Variants in RAD9A observed in about 807,000 individuals in gnomAD.
RAD9A encodes the protein cell cycle checkpoint control protein RAD9A.
A neutral mutation model predicts 41.2 loss-of-function variants in RAD9A; 25 were observed. That is an observed-to-expected ratio of 0.61 (90% confidence interval 0.44 to 0.85). RAD9A has a LOEUF of 0.85. Among genes scored for constraint, RAD9A ranks in the 40% least tolerant of loss-of-function variants. The pLI is 0.00. For missense variants in RAD9A, 514 were observed against 518.3 expected (o/e 0.99, Z 0.08); for synonymous variants, 252 against 210.6 (o/e 1.20, Z -1.70).
In RAD9A at chr11:67,395,900, C is replaced by T. The variant is rs751488695; in HGVS notation, c.560-12C>T. On this transcript the variant is annotated splice_polypyrimidine_tract_variant and intron_variant, in intron 6 of 10. Coordinates refer to ENST00000307980, the MANE Select transcript of RAD9A (RefSeq NM_004584.3). ...GGGCGGGGCCCAGGTTACTCCTGTT[C>T]TTCCCCAACAGACAGCACTGCCAAA... 2.5e-6 allele frequency: 4 copies of T among 1,613,936 alleles called. No individual in the cohort carries two copies. The highest frequency in any genetic ancestry group is 2.5e-6 in the Non-Finnish European group (3 of 1,179,922).
chr11:67,394,441 C>T (rs1009346533), intron 5 of RAD9A, among the ~76,000 whole-genome samples: 1 of 152,186 alleles, frequency 6.6e-6, no homozygotes, highest in Non-Finnish European at 1.5e-5. Flanking sequence ...TCTCCCCCTG[C>T]TCCATGCTGG....
chr11:67,393,279 CAA>C (rs34533285), intron 3 of RAD9A: 17,976 of 953,034 alleles, frequency 0.019, no homozygotes, highest in South Asian at 0.041. Flanking sequence ...GACTCCATCT[CAA>C]AAAAAAAAAA....
chr11:67,392,261 G>T, intron 2 of RAD9A, 30 bp downstream of exon 2: 1 of 1,462,432 alleles, frequency 6.8e-7, no homozygotes, highest in South Asian at 1.2e-5. Context: ...GGGGCGGGTG[G>T]GACTCCAGCC....
At position 67,398,370 on chromosome 11, in the gene RAD9A, G is replaced by A. The variant is rs945882627; in HGVS notation, c.*811G>A. On this transcript the variant is annotated 3_prime_UTR_variant, in exon 11 of 11. Transcript: ENST00000307980. The stretch of plus-strand genomic sequence containing the variant: ...AGGCAGGAAGCAGCCCTGGGGGACT[G>A]GACGCTGCTATTGATTCATTAAAAA... The A allele has an allele frequency of 2.1e-5, 15 of 704,838 alleles. No individual in the cohort carries two copies. The Admixed American group carries it at 3.5e-4, about 17-fold the overall frequency. The allele number at this position is 704,838 out of a possible 1,614,324, so 43.7% of individuals were successfully genotyped here. A position where few individuals can be genotyped will look rare whatever the true frequency, so the allele number is the denominator to read the frequency against.
rs375623990 is a variant in RAD9A at position 67,397,886 on chromosome 11, C to T, written c.*327C>T. ...GCTGGAAACCTGTCTCCCTCAGGCT[C>T]ACCTTCCTAAGGAAAATGTCATAGT... is the stretch of plus-strand genomic sequence containing the variant. On this transcript the variant is annotated 3_prime_UTR_variant, in exon 11 of 11. Coordinates refer to ENST00000307980, the MANE Select transcript of RAD9A (RefSeq NM_004584.3). The T allele has an allele frequency of 5.8e-5, 18 of 312,338 alleles. No homozygotes were observed. In the East Asian group the frequency reaches 6.3e-4, roughly 11 times the overall value. The allele number at this position is 312,338 out of a possible 1,614,324, so 19.3% of individuals were successfully genotyped here.
chr11:67,397,250 G>C lies in RAD9A; in HGVS notation c.944G>C (p.Gly315Ala), dbSNP rs747072123. Residue 315 changes from glycine (G) to alanine (A), a missense_variant, in exon 10 of 11, where the codon GGC becomes GCC. Around this residue, in one of 3 missense-constraint regions of RAD9A, gnomAD observed 216 missense variants for 184.2 expected, o/e 1.17. Transcript: ENST00000307980. Reference sequence around the variant, plus strand: ...ATGATCGCCATGGAAACCACTATAGGCAATGAGGGCTCGCGGGTGCTGCCC... The same window carrying C: ...ATGATCGCCATGGAAACCACTATAGCCAATGAGGGCTCGCGGGTGCTGCCC... The part of the protein sequence containing the change: ...SYMIAMETTI[G>A]NEGSRVLPSI... The C allele has an allele frequency of 3.7e-6, 6 of 1,613,278 alleles. No homozygotes were observed. The highest frequency in any genetic ancestry group is 4.2e-6 in the Non-Finnish European group (5 of 1,179,554).
chr11:67,392,817 C>A (rs752824198), intron 3 of RAD9A, 35 bp downstream of exon 3: 1 of 1,608,704 alleles, frequency 6.2e-7, no homozygotes. Flanking sequence ...CACTACTCCA[C>A]CCCAGGAATC....
At chr11:67,395,427 G>C in intron 5 of RAD9A, 1 of 467,040 alleles carries the variant, frequency 2.1e-6, no homozygotes, top group Non-Finnish European at 3.8e-6. Context: ...TATCCTTAGA[G>C]GATAAGGATT....
chr11:67,397,201 G>T lies in RAD9A; in HGVS notation c.895G>T (p.Ala299Ser). Residue 299 changes from alanine (A) to serine (S), a missense_variant, in exon 10 of 11, where the codon GCC (alanine) becomes TCC (serine). Transcript: ENST00000307980. ...AHSTPHPDDF[A>S]NDDIDSYMIA... ...CAGCACACCCCACCCGGACGACTTT[G>T]CCAATGACGACATTGACTCTTACAT... The T allele has an allele frequency of 2.5e-6, 4 of 1,613,664 alleles. No individual in the cohort carries two copies. Among genetic ancestry groups the T allele is most frequent in the Non-Finnish European group, 2.5e-6 (3 of 1,179,722 alleles).
In RAD9A at chr11:67,392,637, T is replaced by G. The variant is rs748414886; in HGVS notation, c.106-17T>G. ...TGCCCCCTGACCACGTCCCTCTCCC[T>G]GCTCTTCGTGGCCCAGCTCTCCCTC... On this transcript the variant is annotated splice_polypyrimidine_tract_variant and intron_variant, in intron 2 of 10. Transcript: ENST00000307980. The G allele has an allele frequency of 6.2e-7, 1 of 1,613,094 alleles. No homozygotes were observed. The highest frequency in any genetic ancestry group is 1.7e-5 in the Admixed American group (1 of 60,014).
chr11:67,392,378 C>A, intron 2 of RAD9A, 147 bp downstream of exon 2: 1 of 892,008 alleles, frequency 1.1e-6, no homozygotes, highest in Non-Finnish European at 1.7e-6. Context: ...GTCATCTTCC[C>A]AGGCCGGTGT....
intron 9 of RAD9A, 105 bp from the exon 10 acceptor site, chr11:67,397,074 G>T (rs774611360): frequency 1.3e-6 from 1 of 759,778 alleles, no homozygotes; most frequent in East Asian, 2.6e-5. Flanking sequence ...AAAACCAAGA[G>T]ATCTCCAGTG....
rs773148286 is a variant in RAD9A, at chr11:67,396,313, T to C, written c.785T>C (p.Leu262Ser). ...TCTTTGCTGGACGGCCACTTTGTCT[T>C]GGCCACACTCTCAGACACCGACTCG... Reference protein sequence around the residue: ...KDSLLDGHFVLATLSDTDSHS... With the variant: ...KDSLLDGHFVSATLSDTDSHS... The change falls in exon 9 of 11, where the codon TTG becomes TCG. Residue 262 changes from leucine (L) to serine (S), a missense_variant. Coordinates refer to ENST00000307980, the MANE Select transcript of RAD9A (RefSeq NM_004584.3). The C allele has an allele frequency of 2.5e-6, 4 of 1,614,060 alleles. No individual in the cohort carries two copies. In the South Asian group the frequency reaches 4.4e-5, roughly 18 times the overall value.
chr11:67,393,019 C>A (rs1200960433), intron 3 of RAD9A: 3 of 556,326 alleles, frequency 5.4e-6, no homozygotes, highest in South Asian at 2.1e-5. Context: ...CGGTGGCTCA[C>A]GCCTGTAATC....
In RAD9A at chr11:67,397,716, A is replaced by G. The variant is rs943910989; in HGVS notation, c.*157A>G. 5.7e-6 allele frequency: 4 copies of G among 699,926 alleles called. No homozygotes were observed. The African/African-American group carries it at 7.2e-5, about 13-fold the overall frequency. The allele number at this position is 699,926 out of a possible 1,614,324, so 43.4% of individuals were successfully genotyped here. On this transcript the variant is annotated 3_prime_UTR_variant, in exon 11 of 11. Transcript: ENST00000307980. Reference sequence around the variant, plus strand: ...GCAGGCCCCAGCTGGCTGTCACTGTAAAGCTGTCCCACAGCGGTCGGGCCT... The same window carrying G: ...GCAGGCCCCAGCTGGCTGTCACTGTGAAGCTGTCCCACAGCGGTCGGGCCT...
intron 2 of RAD9A, among the ~76,000 whole-genome samples, 182 bp downstream of exon 2, chr11:67,392,413 G>C (rs1360005138): frequency 6.6e-6 from 1 of 152,242 alleles, no homozygotes; most frequent in Non-Finnish European, 1.5e-5. Context: ...GCTGTCCTGC[G>C]AGCTCCCAGG....
chr11:67,397,106 T>C lies in RAD9A; in HGVS notation c.873-73T>C. On this transcript the variant is annotated intron_variant, in intron 9 of 10. Transcript: ENST00000307980. ...AGTGGTCGGGGGCCCCAGAGCTCCCTTCGAGCCCTCCAAGGTGGGGCCCTG... is the reference window on the plus strand; with the variant it reads ...AGTGGTCGGGGGCCCCAGAGCTCCCCTCGAGCCCTCCAAGGTGGGGCCCTG... 3.3e-6 allele frequency: 4 copies of C among 1,229,380 alleles called. No homozygotes were observed. The South Asian group carries it at 5.1e-5, about 16-fold the overall frequency. 76.2% of individuals were successfully genotyped at this position (1,229,380 alleles called of 1,614,324 possible).
Position 67,398,176 on chromosome 11 carries a change from C to T in RAD9A, c.*617C>T. On this transcript the variant is annotated 3_prime_UTR_variant, in exon 11 of 11. Transcript: ENST00000307980. ...CAGTGTCTTAGATGTGAGACGGAGGCCATGGCGAGAATCCAGCTTTGACCT... is the reference window on the plus strand; with the variant it reads ...CAGTGTCTTAGATGTGAGACGGAGGTCATGGCGAGAATCCAGCTTTGACCT... The T allele has an allele frequency of 6.7e-6, 2 of 298,740 alleles. No homozygotes were observed. Among genetic ancestry groups the T allele is most frequent in the Non-Finnish European group, 1.3e-5 (2 of 158,166 alleles). 18.5% of individuals were successfully genotyped at this position (298,740 alleles called of 1,614,324 possible).
At chr11:67,394,763 C>T (rs568777966) in intron 5 of RAD9A, among the ~76,000 whole-genome samples, 6 of 151,594 alleles carry the variant, frequency 4.0e-5, no homozygotes, top group South Asian at 2.1e-4. Flanking sequence ...TACAGGCATG[C>T]GCCACCATGC....
Sources: gnomAD v4.1 joint callset for allele counts (sites outside exome capture counted in the v4.1 genomes callset) on GRCh38, gnomAD v4.1.1 for gene constraint, gnomAD v4.1.1 regional missense constraint, MANE v1.5 for transcripts, NCBI Gene and HGNC (gene_info 2026-07-23, HGNC 2026-07-21) for gene names.